Variants in TUT1 observed in about 807,000 individuals in gnomAD.
TUT1 encodes the protein terminal uridylyl transferase 1, U6 snRNA-specific.
TUT1 carries 26 observed loss-of-function variants against 48.8 expected under a neutral mutation model. That is an observed-to-expected ratio of 0.53 (90% CI 0.39 to 0.74). TUT1 has a LOEUF of 0.74. Ranked by LOEUF, TUT1 falls within the 30% of genes least tolerant of loss-of-function variation. The pLI is 0.00. For missense variants in TUT1, 1,065 were observed against 1,114.8 expected (o/e 0.96, Z 0.64); for synonymous variants, 470 against 460.8 (o/e 1.02, Z -0.26).
intron 2 of TUT1, among the ~76,000 whole-genome samples, chr11:62,588,292 G>A (rs1200037027): frequency 2.6e-5 from 4 of 152,216 alleles, no homozygotes; most frequent in Non-Finnish European, 5.9e-5. Flanking sequence ...AGTGGCTCAC[G>A]CCCGTAATCC....
intron 2 of TUT1, chr11:62,582,689 C>G (rs1031824904): frequency 9.6e-6 from 4 of 416,500 alleles, no homozygotes; most frequent in African/African-American, 8.1e-5. Flanking sequence ...CTCATTTTAT[C>G]TACATTATTT....
rs774674793 is a variant in TUT1, at chr11:62,575,071, AT to A, written c.*22del. The A allele has an allele frequency of 3.0e-5, 47 of 1,548,228 alleles. No individual in the cohort carries two copies. The highest frequency in any genetic ancestry group is 3.8e-5 in the Non-Finnish European group (44 of 1,148,256). On this transcript the variant is annotated 3_prime_UTR_variant, in exon 9 of 9. Transcript: ENST00000476907. ...ACTGTATTAATAAACTAGCAGCTTT[AT>A]TGCCCTTCAGGGGCCATGTCTTCAC...
At chr11:62,579,812 C>A (rs575476598) in intron 4 of TUT1, among the ~76,000 whole-genome samples, 1 of 151,782 alleles carries the variant, frequency 6.6e-6, no homozygotes, top group Non-Finnish European at 1.5e-5. Context: ...ATTACAGGTA[C>A]GTGCCACCAT....
chr11:62,576,479 G>C, intron 8 of TUT1, 178 bp downstream of exon 8: 1 of 785,600 alleles, frequency 1.3e-6, no homozygotes, highest in Non-Finnish European at 2.0e-6. Context: ...TGTAACCTTG[G>C]GCAAGTCACT....
At chr11:62,576,826 G>GAGC (rs1941736913) in intron 7 of TUT1, 77 bp from the exon 8 acceptor site, 2 of 1,591,504 alleles carry the variant, frequency 1.3e-6, no homozygotes, top group South Asian at 2.2e-5. Flanking sequence ...CTCATTCACA[G>GAGC]AGCTGCTTGG....
Position 62,575,935 on chromosome 11 carries a change from A to G in TUT1, c.1784T>C (p.Leu595Pro). Reference sequence around the variant, plus strand: ...CAGGGAGCTGGGGGAGCTGGGCTGCAGAAGAGGGAGCAGCCCCCAGTCCCG... The same window carrying G: ...CAGGGAGCTGGGGGAGCTGGGCTGCGGAAGAGGGAGCAGCCCCCAGTCCCG... Reference protein sequence around the residue: ...RGRDWGLLPLLQPSSPSSLLS... With the variant: ...RGRDWGLLPLPQPSSPSSLLS... Residue 595 changes from leucine (L) to proline (P), a missense_variant, in exon 9 of 9, where the codon CTG becomes CCG. Coordinates refer to ENST00000476907, the MANE Select transcript of TUT1 (RefSeq NM_022830.3). The G allele has an allele frequency of 2.5e-6, 4 of 1,614,138 alleles. No individual in the cohort carries two copies. The highest frequency in any genetic ancestry group is 3.4e-6 in the Non-Finnish European group (4 of 1,180,006).
intron 2 of TUT1, among the ~76,000 whole-genome samples, chr11:62,585,933 T>A (rs1017626469): frequency 5.9e-5 from 9 of 151,692 alleles, no homozygotes; most frequent in Non-Finnish European, 1.3e-4. Flanking sequence ...AGAAACCCCA[T>A]CTCTACTAAA....
intron 1 of TUT1, among the ~76,000 whole-genome samples, chr11:62,590,441 CCTGA>C (rs757670247): frequency 1.3e-5 from 2 of 151,906 alleles, no homozygotes; most frequent in South Asian, 2.1e-4. Context: ...TCGAGACCAT[CCTGA>C]CTAACATGGT....
rs1281934069 is a variant in TUT1, at chr11:62,576,674, A to T, written c.1457T>A (p.Ile486Lys). The part of the protein sequence containing the change: ...PRDASRLEPS[I>K]NVEPLSSLLA... ...AAACTCACTGAGGGGCTCCACATTT[A>T]TGCTGGGCTCCAGTCTTGAGGCATC... Residue 486 changes from isoleucine (I) to lysine (K), a missense_variant, in exon 8 of 9, where the codon ATA (isoleucine) becomes AAA (lysine). Physicochemically the swap from Ile to Lys is moderately radical, Grantham distance 102. Transcript: ENST00000476907. 8 of 1,614,118 alleles carry T rather than the reference A, an allele frequency of 5.0e-6. No homozygotes were observed. The highest frequency in any genetic ancestry group is 6.8e-6 in the Non-Finnish European group (8 of 1,180,016).
At chr11:62,580,353 G>C (rs1421810814) in intron 4 of TUT1, among the ~76,000 whole-genome samples, 1 of 151,574 alleles carries the variant, frequency 6.6e-6, no homozygotes, top group Non-Finnish European at 1.5e-5. Flanking sequence ...CGAGCTACTT[G>C]GGAGGCTGAG....
At position 62,578,542 on chromosome 11, in the gene TUT1, T is replaced by TC. The variant is rs756954276; in HGVS notation, c.1160+18dup. ...CCTGGGCAACGAGTGAAATGTCGTC[T>TC]CAAAAAAAAGAAAGGTACCGGTTAC... is the stretch of plus-strand genomic sequence containing the variant. On this transcript the variant is annotated intron_variant, in intron 5 of 8. Coordinates refer to ENST00000476907, the MANE Select transcript of TUT1 (RefSeq NM_022830.3). 6.4e-7 allele frequency: 1 copy of TC among 1,560,226 alleles called. No homozygotes were observed. The highest frequency in any genetic ancestry group is 1.2e-5 in the South Asian group (1 of 83,378).
chr11:62,575,580 G>C lies in TUT1; in HGVS notation c.2139C>G (p.Asp713Glu). ...CATGCTTTCCAGTGGTCAGGGGCAG[G>C]TCCCCTGGCTGCCCAGGGCTCTGCA... ...WAMQSPGQPG[D>E]LPLTTGKHGA... Residue 713 changes from aspartate to glutamate, a missense_variant, in exon 9 of 9, where the codon GAC (aspartate) becomes GAG (glutamate). Transcript: ENST00000476907. The C allele has an allele frequency of 1.2e-6, 2 of 1,614,060 alleles. No individual in the cohort carries two copies. Among genetic ancestry groups the C allele is most frequent in the Non-Finnish European group, 1.7e-6 (2 of 1,180,016 alleles).
At chr11:62,586,429 A>T (rs147940301) in intron 2 of TUT1, among the ~76,000 whole-genome samples, 13 of 152,346 alleles carry the variant, frequency 8.5e-5, no homozygotes, top group African/African-American at 3.1e-4. Context: ...GATTAGATGC[A>T]AGTGTACATA....
intron 5 of TUT1, among the ~76,000 whole-genome samples, chr11:62,577,759 T>C (rs1941753088): frequency 6.6e-6 from 1 of 152,200 alleles, no homozygotes; most frequent in Admixed American, 6.5e-5. Flanking sequence ...AGCTCTTTTC[T>C]ACATCCCTTG....
chr11:62,583,342 T>C (rs1022701858), intron 2 of TUT1, among the ~76,000 whole-genome samples: 2 of 152,036 alleles, frequency 1.3e-5, no homozygotes, highest in African/African-American at 4.8e-5. Context: ...CCGGGCGCAG[T>C]AGCTCACGCC....
Position 62,589,098 on chromosome 11 carries a change from G to A in TUT1, c.206C>T (p.Ser69Phe). 1 of 1,614,218 alleles carries A rather than the reference G, an allele frequency of 6.2e-7. No individual in the cohort carries two copies. Among genetic ancestry groups the A allele is most frequent in the Non-Finnish European group, 8.5e-7 (1 of 1,180,044 alleles). The change falls in exon 2 of 9, where the codon TCT (serine) becomes TTT (phenylalanine). Residue 69 changes from serine to phenylalanine, a missense_variant. By Grantham distance (155) the Ser-to-Phe change is radical (BLOSUM62 -2). Coordinates refer to ENST00000476907, the MANE Select transcript of TUT1 (RefSeq NM_022830.3). Reference protein sequence around the residue: ...FVSGFPRDVDSAQLSEYFLAF... With the variant: ...FVSGFPRDVDFAQLSEYFLAF... ...TAGGAAGTACTCAGAGAGCTGAGCA[G>A]AATCCACATCCCTGGGAAAGCCACT...
At position 62,578,985 on chromosome 11, in the gene TUT1, C is replaced by T. The variant is rs768255294; in HGVS notation, c.736G>A (p.Ala246Thr). ...AGGGCTTGAGGGTCCAGTGGGGAAGCCAGGGCCGAGTCCAGCGATGGAGAT... is the reference window on the plus strand; with the variant it reads ...AGGGCTTGAGGGTCCAGTGGGGAAGTCAGGGCCGAGTCCAGCGATGGAGAT... ...PESPSLDSAL[A>T]SPLDPQALAC... is the part of the protein sequence containing the mutation. Residue 246 changes from alanine to threonine, a missense_variant, in exon 5 of 9, where the codon GCT (alanine) becomes ACT (threonine). Transcript: ENST00000476907. 6.6e-7 allele frequency: 1 copy of T among 1,519,076 alleles called. No individual in the cohort carries two copies. The highest frequency in any genetic ancestry group is 8.8e-7 in the Non-Finnish European group (1 of 1,135,182). The allele number at this position is 1,519,076 out of a possible 1,614,324, so 94.1% of individuals were successfully genotyped here.
At chr11:62,588,479 A>G (rs994890423) in intron 2 of TUT1, among the ~76,000 whole-genome samples, 1 of 152,112 alleles carries the variant, frequency 6.6e-6, no homozygotes, top group Non-Finnish European at 1.5e-5. Flanking sequence ...GCTGGAACCC[A>G]GGAGGTAGAC....
intron 5 of TUT1, among the ~76,000 whole-genome samples, chr11:62,578,071 A>C (rs111808839): frequency 9.6e-5 from 2 of 20,840 alleles, no homozygotes; most frequent in African/African-American, 2.7e-4. Context: ...CACAAAAAAA[A>C]AAAAAAAAAA....
Sources: gnomAD v4.1 joint callset for allele counts (sites outside exome capture counted in the v4.1 genomes callset) on GRCh38, gnomAD v4.1.1 for gene constraint, MANE v1.5 for transcripts, NCBI Gene and HGNC (gene_info 2026-07-23, HGNC 2026-07-21) for gene names.